Variants in DIP2C observed in about 807,000 individuals in gnomAD.
DIP2C encodes the protein disco-interacting protein 2 homolog C.
In DIP2C, 33 loss-of-function variants were observed where a neutral mutation model predicts 192.4. That is an observed-to-expected ratio of 0.17 (90% CI 0.13 to 0.23). The LOEUF is 0.23. DIP2C is among the 10% of genes least tolerant of loss of function. The pLI is 1.00. For missense variants in DIP2C, 1,537 were observed against 2,110.1 expected (o/e 0.73, Z 5.32); for synonymous variants, 979 against 864.1 (o/e 1.13, Z -2.33).
intron 1 of DIP2C, among the ~76,000 whole-genome samples, chr10:624,540 C>T (rs1206809245): frequency 6.6e-6 from 1 of 152,186 alleles, no homozygotes; most frequent in African/African-American, 2.4e-5. Flanking sequence ...CAAAGTGGGG[C>T]CTTGAGTGGC....
chr10:449,670 T>C (rs907215726), intron 3 of DIP2C, among the ~76,000 whole-genome samples: 1 of 148,828 alleles, frequency 6.7e-6, no homozygotes, highest in Admixed American at 6.7e-5. Context: ...GTGGGAGATA[T>C]ACCTAATGAT....
intron 25 of DIP2C, among the ~76,000 whole-genome samples, 194 bp downstream of exon 25, chr10:349,137 T>G (rs1367593878): frequency 6.6e-6 from 1 of 152,238 alleles, no homozygotes; most frequent in African/African-American, 2.4e-5. Flanking sequence ...CCTCTCACAG[T>G]AGCACATGCG....
At chr10:540,178 G>A (rs1240543137) in intron 1 of DIP2C, among the ~76,000 whole-genome samples, 6 of 152,244 alleles carry the variant, frequency 3.9e-5, no homozygotes, top group Admixed American at 6.5e-5. Flanking sequence ...AATGATGTGC[G>A]TGTTTTAAAG....
intron 4 of DIP2C, among the ~76,000 whole-genome samples, chr10:424,714 C>T (rs980347777): frequency 6.6e-6 from 1 of 152,188 alleles, no homozygotes; most frequent in Admixed American, 6.5e-5. Flanking sequence ...GTAAAATTGA[C>T]ACAGCCTTGA....
At chr10:290,847 T>A (rs904480910) in intron 32 of DIP2C, among the ~76,000 whole-genome samples, 5 of 152,338 alleles carry the variant, frequency 3.3e-5, no homozygotes, top group African/African-American at 1.2e-4. Flanking sequence ...CAATCCTCAG[T>A]CATCTCTACT....
At chr10:560,941 G>A (rs1320578803) in intron 1 of DIP2C, among the ~76,000 whole-genome samples, 5 of 152,122 alleles carry the variant, frequency 3.3e-5, no homozygotes, top group African/African-American at 1.2e-4. Flanking sequence ...ACATGACAAA[G>A]CCTTGGTCTC....
Position 577,690 on chromosome 10 carries a change from C to A in DIP2C, c.86-91160G>T, listed in dbSNP as rs559699560. On this transcript the variant is annotated intron_variant, in intron 1 of 36. Transcript: ENST00000280886. The stretch of plus-strand genomic sequence containing the variant: ...CAGATCTAACTAATACAAGGTTTTG[C>A]TTTTAACAAGCTAAATAACTAGTAA... 7.9e-5 allele frequency among the ~76,000 whole-genome samples: 12 copies of A among 152,274 alleles called. 1 individual carries two copies. In the South Asian group the frequency reaches 2.5e-3, roughly 32 times the overall value.
chr10:453,425 C>T (rs988043984), intron 3 of DIP2C, among the ~76,000 whole-genome samples: 6 of 152,192 alleles, frequency 3.9e-5, no homozygotes, highest in African/African-American at 1.4e-4. Flanking sequence ...CATACAGTGT[C>T]AAAGACTCCA....
rs1239971684 is a variant in DIP2C at position 276,922 on chromosome 10, T to G, written c.*403A>C. 5.7e-6 allele frequency: 1 copy of G among 174,462 alleles called. No individual in the cohort carries two copies. The highest frequency in any genetic ancestry group is 1.2e-5 in the Non-Finnish European group (1 of 80,546). 10.8% of individuals were successfully genotyped at this position (174,462 alleles called of 1,614,324 possible). A position where few individuals can be genotyped will look rare whatever the true frequency, so the allele number is the denominator to read the frequency against. On this transcript the variant is annotated 3_prime_UTR_variant, in exon 37 of 37. Transcript: ENST00000280886. ...ACATTAAAACAGAGAAAACAATTCT[T>G]TGTCACACTACATAAATTGTTTAAA...
intron 24 of DIP2C, among the ~76,000 whole-genome samples, chr10:353,810 G>A (rs1375501445): frequency 6.6e-6 from 1 of 152,170 alleles, no homozygotes; most frequent in Non-Finnish European, 1.5e-5. Context: ...GACACTTATG[G>A]TGTGTGGAGT....
intron 25 of DIP2C, 72 bp downstream of exon 25, chr10:349,259 T>C: frequency 1.3e-5 from 20 of 1,555,332 alleles, no homozygotes; most frequent in Non-Finnish European, 1.7e-5. Flanking sequence ...CACCAGCGGG[T>C]GTAAGGGACC....
chr10:544,033 C>A (rs144968484), intron 1 of DIP2C, among the ~76,000 whole-genome samples: 1 of 152,366 alleles, frequency 6.6e-6, no homozygotes, highest in Non-Finnish European at 1.5e-5. Context: ...ACCTTTGGTG[C>A]CAGCATCTTT....
In DIP2C at chr10:390,669, T is replaced by C. The variant is rs1044015373; in HGVS notation, c.1384+71A>G. 1.6e-5 allele frequency: 24 copies of C among 1,544,924 alleles called. No individual in the cohort carries two copies. The East Asian group carries it at 5.5e-4, about 35-fold the overall frequency. ...ACAGAGGATTGAAACCGAGGCGGGG[T>C]GACGTATTCCCGCACCCGTCTTCTG... On this transcript the variant is annotated intron_variant, in intron 11 of 36. Transcript: ENST00000280886.
At chr10:316,822 A>G (rs1169719354) in intron 31 of DIP2C, among the ~76,000 whole-genome samples, 2 of 152,228 alleles carry the variant, frequency 1.3e-5, no homozygotes, top group Admixed American at 1.3e-4. Context: ...ATGTTTTTTA[A>G]AAAGTTCAGA....
intron 1 of DIP2C, among the ~76,000 whole-genome samples, chr10:682,167 G>A (rs1831158600): frequency 6.6e-6 from 1 of 152,226 alleles, no homozygotes; most frequent in African/African-American, 2.4e-5. Flanking sequence ...GGCCGCTGGA[G>A]GACAAAGGCC....
chr10:300,663 C>G (rs1482621396), intron 32 of DIP2C, among the ~76,000 whole-genome samples: 11 of 130,072 alleles, frequency 8.5e-5, no homozygotes, highest in Admixed American at 7.6e-5. Context: ...GGAACCCAGG[C>G]GCGGCCCTGA....
intron 4 of DIP2C, among the ~76,000 whole-genome samples, chr10:428,000 A>C (rs1448704916): frequency 1.3e-5 from 2 of 152,246 alleles, no homozygotes; most frequent in African/African-American, 4.8e-5. Flanking sequence ...AATAGAGGAA[A>C]GAATGAATAA....
At chr10:331,847 C>T (rs1416402738) in intron 29 of DIP2C, among the ~76,000 whole-genome samples, 1 of 152,104 alleles carries the variant, frequency 6.6e-6, no homozygotes, top group African/African-American at 2.4e-5. Flanking sequence ...CTGCTGTAAA[C>T]TGGCCATTTC....
intron 1 of DIP2C, among the ~76,000 whole-genome samples, chr10:576,152 T>C (rs1439077248): frequency 6.6e-6 from 1 of 152,226 alleles, no homozygotes; most frequent in Non-Finnish European, 1.5e-5. Context: ...CCAGATGTGC[T>C]GGCACCAAGC....
Sources: allele counts gnomAD v4.1 joint callset (sites outside exome capture counted in the v4.1 genomes callset), GRCh38; gene constraint gnomAD v4.1.1; transcripts MANE v1.5; gene names NCBI Gene and HGNC (gene_info 2026-07-23, HGNC 2026-07-21).